The following BCR variants were observed in gnomAD, a reference collection of about 807,000 sequenced individuals.
BCR encodes the protein BCR activator of RhoGEF and GTPase, also known as breakpoint cluster region protein.
A neutral mutation model predicts 138.6 loss-of-function variants in BCR; 58 were observed. That is an observed-to-expected ratio of 0.42 (90% CI 0.34 to 0.52). The LOEUF (loss-of-function observed/expected upper bound fraction) is 0.52. Ranked by LOEUF, BCR falls within the 20% of genes least tolerant of loss-of-function variation. The pLI is 0.06. For synonymous variants in BCR, 786 were observed against 730.1 expected (o/e 1.08, Z -1.23); for missense variants, 1,599 against 1,727.2 (o/e 0.93, Z 1.32).
At chr22:23,255,986 C>T (rs1352981073) in intron 2 of BCR, among the ~76,000 whole-genome samples, 1 of 152,224 alleles carries the variant, frequency 6.6e-6, no homozygotes, top group East Asian at 1.9e-4. Flanking sequence ...GTGCTCTTCC[C>T]AGTGGTTGGG....
Position 23,182,239 on chromosome 22 carries a change from G to A in BCR, c.1279G>A (p.Asp427Asn). Residue 427 changes from aspartate (D) to asparagine (N), a missense_variant and splice_region_variant, in exon 1 of 23, where the codon GAT (aspartate) becomes AAT (asparagine). Transcript: ENST00000305877. ...CGAGGGCGCCTTCCATGGAGACGCA[G>A]GTGAGTTCCTCACGCCACGTGCGTG... ...DGEGAFHGDA[D>N]GSFGTPPGYG... is the part of the protein sequence containing the mutation. The A allele has an allele frequency of 1.3e-6, 2 of 1,560,940 alleles. No homozygotes were observed. The highest frequency in any genetic ancestry group is 4.6e-5 in the East Asian group (2 of 43,020).
intron 1 of BCR, 93 bp from the exon 2 acceptor site, chr22:23,253,706 A>C: frequency 6.9e-7 from 1 of 1,447,002 alleles, no homozygotes; most frequent in South Asian, 1.3e-5. Context: ...TGTTGGGGAC[A>C]GAGATGGTGT....
chr22:23,237,276 G>A (rs886903313), intron 1 of BCR, among the ~76,000 whole-genome samples: 1 of 152,236 alleles, frequency 6.6e-6, no homozygotes, highest in Admixed American at 6.5e-5. Flanking sequence ...CGGAGCGGGT[G>A]TCTAGCAGCT....
intron 4 of BCR, among the ~76,000 whole-genome samples, chr22:23,268,004 G>A (rs952795258): frequency 2.0e-5 from 3 of 152,338 alleles, no homozygotes; most frequent in Middle Eastern, 3.4e-3. Context: ...GGGTGGGAAA[G>A]GGGGTGACCT....
At chr22:23,275,764 C>T (rs184626485) in intron 8 of BCR, among the ~76,000 whole-genome samples, 1 of 152,316 alleles carries the variant, frequency 6.6e-6, no homozygotes, top group Non-Finnish European at 1.5e-5. Context: ...GTTCGCCCTA[C>T]CCTCCTGAGA....
chr22:23,281,324 C>T (rs2073641634), intron 8 of BCR, among the ~76,000 whole-genome samples: 1 of 152,266 alleles, frequency 6.6e-6, no homozygotes, highest in Non-Finnish European at 1.5e-5. Flanking sequence ...GCCACGTGGC[C>T]TTATGCCGGC....
intron 4 of BCR, chr22:23,264,036 G>A (rs748751850): frequency 5.0e-5 from 48 of 967,382 alleles, no homozygotes; most frequent in Middle Eastern, 2.1e-4. Context: ...GTCCCCTTTC[G>A]CACTGCTCTC....
intron 2 of BCR, chr22:23,254,576 C>CT (rs1568957059): frequency 3.9e-6 from 2 of 518,966 alleles, no homozygotes; most frequent in Admixed American, 1.9e-5. Context: ...CACGCCCCCC[C>CT]TCACATGAGA....
chr22:23,257,578 AC>A (rs2073308628), intron 2 of BCR, among the ~76,000 whole-genome samples: 1 of 152,114 alleles, frequency 6.6e-6, no homozygotes, highest in South Asian at 2.1e-4. Context: ...CATTCCCTTC[AC>A]CTCTTCTCCT....
At chr22:23,312,644 C>T (rs928894280) in intron 19 of BCR, 23 of 553,648 alleles carry the variant, frequency 4.2e-5, no homozygotes, top group Non-Finnish European at 7.2e-5. Context: ...ACGCTGGCCT[C>T]CTCCTGGCCA....
At chr22:23,204,993 A>G (rs2072595365) in intron 1 of BCR, among the ~76,000 whole-genome samples, 1 of 152,096 alleles carries the variant, frequency 6.6e-6, no homozygotes, top group Admixed American at 6.5e-5. Flanking sequence ...GGCCACCCCT[A>G]TTTCTGTGCT....
intron 1 of BCR, among the ~76,000 whole-genome samples, chr22:23,234,692 A>G (rs1018674807): frequency 2.8e-5 from 3 of 106,262 alleles, no homozygotes; most frequent in Admixed American, 9.6e-5. Flanking sequence ...CGAGGCCCAG[A>G]ATGGAGCACC....
chr22:23,290,388 A>G lies in BCR; in HGVS notation c.2757A>G (p.Ser919=). 6.2e-7 allele frequency: 1 copy of G among 1,614,118 alleles called. No homozygotes were observed. Among genetic ancestry groups the G allele is most frequent in the South Asian group, 1.1e-5 (1 of 91,078 alleles). ...LYGFLNVIVH[S]ATGFKQSSNL... is the part of the protein sequence containing the mutation. ...GGTTTCTGAATGTCATCGTCCACTC[A>G]GCCACTGGATTTAAGCAGAGTTCAA... Residue 919 remains serine (S), a synonymous_variant, in exon 14 of 23, where the codon TCA becomes TCG. Transcript: ENST00000305877.
At chr22:23,256,614 C>T (rs997451960) in intron 2 of BCR, among the ~76,000 whole-genome samples, 1 of 152,176 alleles carries the variant, frequency 6.6e-6, no homozygotes, top group Non-Finnish European at 1.5e-5. Flanking sequence ...GCTAGCTACA[C>T]ACTCCCAGCC....
intron 8 of BCR, chr22:23,283,291 C>G (rs2073670794): frequency 6.6e-6 from 1 of 152,304 alleles, no homozygotes; most frequent in African/African-American, 2.4e-5. Context: ...CCCGTGCACA[C>G]CGGGGACCCT....
intron 15 of BCR, 100 bp from the exon 16 acceptor site, chr22:23,294,924 C>T (rs1224461779): frequency 6.8e-6 from 10 of 1,469,984 alleles, no homozygotes; most frequent in Non-Finnish European, 9.3e-6. Flanking sequence ...CCCTCTGGGC[C>T]AGCAAGGGCA....
chr22:23,195,692 G>A (rs563351902), intron 1 of BCR, among the ~76,000 whole-genome samples: 1 of 152,098 alleles, frequency 6.6e-6, no homozygotes, highest in Non-Finnish European at 1.5e-5. Context: ...TTCAAGACCA[G>A]CCTGGCCAAC....
intron 2 of BCR, 125 bp downstream of exon 2, chr22:23,254,105 A>C (rs2073265844): frequency 9.0e-7 from 1 of 1,112,072 alleles, no homozygotes; most frequent in Admixed American, 2.8e-5. Flanking sequence ...CGAGTGGGTC[A>C]CCAAAAACTC....
At chr22:23,227,990 T>C (rs563988433) in intron 1 of BCR, among the ~76,000 whole-genome samples, 1 of 152,358 alleles carries the variant, frequency 6.6e-6, no homozygotes, top group South Asian at 2.1e-4. Flanking sequence ...TTCATCTAAG[T>C]TGCCAAACTT....
Sources: allele counts gnomAD v4.1 joint callset (sites outside exome capture counted in the v4.1 genomes callset), GRCh38; gene constraint gnomAD v4.1.1; transcripts MANE v1.5; gene names NCBI Gene and HGNC (gene_info 2026-07-23, HGNC 2026-07-21).